PAK1: variants seen among roughly 807,000 people sequenced by gnomAD.
PAK1 encodes the protein p21 (RAC1) activated kinase 1.
PAK1 carries 29 observed loss-of-function variants against 67.4 expected under a neutral mutation model. The ratio of observed to expected loss-of-function variants is 0.43; its 90% CI spans 0.32 to 0.59. The LOEUF (loss-of-function observed/expected upper bound fraction) is 0.59, where lower values mean the gene tolerates loss of function less well. PAK1 is among the 20% of genes least tolerant of loss of function. The probability of loss-of-function intolerance (pLI) is 0.07; values close to 1 mark genes in which losing one functional copy is unlikely to be tolerated. For missense variants in PAK1, 337 were observed against 670.7 expected (o/e 0.50, Z 5.50); for synonymous variants, 223 against 237.4 (o/e 0.94, Z 0.56).
intron 1 of PAK1, among the ~76,000 whole-genome samples, chr11:77,469,894 T>C (rs1404785771): frequency 1.3e-5 from 2 of 152,122 alleles, no homozygotes; most frequent in Non-Finnish European, 2.9e-5. Flanking sequence ...TTCGTAATAA[T>C]CAAATCAGGA....
At chr11:77,462,218 C>T (rs1056638107) in intron 1 of PAK1, among the ~76,000 whole-genome samples, 84 of 151,996 alleles carry the variant, frequency 5.5e-4, no homozygotes, top group Non-Finnish European at 9.9e-4. Flanking sequence ...GTAGTCCCAG[C>T]TACTGGGGAG....
intron 6 of PAK1, 65 bp downstream of exon 6, chr11:77,358,833 C>T: frequency 6.4e-7 from 1 of 1,555,212 alleles, no homozygotes; most frequent in East Asian, 2.2e-5. Context: ...GTATCAGCAC[C>T]AACTCCTCCC....
chr11:77,349,126 A>C (rs1944867807), intron 9 of PAK1, 113 bp downstream of exon 9: 3 of 449,950 alleles, frequency 6.7e-6, no homozygotes, highest in Non-Finnish European at 1.1e-5. Context: ...CCCCATCCCA[A>C]AAAAAAAAAA....
intron 1 of PAK1, chr11:77,411,909 C>G (rs1431434124): frequency 1.3e-5 from 2 of 152,298 alleles, no homozygotes; most frequent in Admixed American, 6.5e-5. Flanking sequence ...GGGCTCCTGG[C>G]AGCTCAGCCG....
At chr11:77,470,334 C>G (rs573668671) in intron 1 of PAK1, among the ~76,000 whole-genome samples, 12 of 152,176 alleles carry the variant, frequency 7.9e-5, no homozygotes, top group African/African-American at 1.9e-4. Context: ...TTTCTCCCCC[C>G]CTTTATGATC....
chr11:77,360,474 T>TATTTTC (rs1696553267), intron 5 of PAK1, among the ~76,000 whole-genome samples: 1 of 152,194 alleles, frequency 6.6e-6, no homozygotes, highest in South Asian at 2.1e-4. Context: ...TGCTCTAATT[T>TATTTTC]ATTTTCTCCC....
chr11:77,336,731 G>T (rs1942753509), intron 12 of PAK1, among the ~76,000 whole-genome samples: 1 of 151,958 alleles, frequency 6.6e-6, no homozygotes, highest in South Asian at 2.1e-4. Flanking sequence ...CCAGACCCAG[G>T]GCTGCTAGCA....
chr11:77,468,973 C>A (rs1957724333), intron 1 of PAK1, among the ~76,000 whole-genome samples: 1 of 152,016 alleles, frequency 6.6e-6, no homozygotes, highest in South Asian at 2.1e-4. Flanking sequence ...AAAATAACAT[C>A]CAGGAAAGAT....
intron 11 of PAK1, among the ~76,000 whole-genome samples, chr11:77,338,241 A>C (rs2097945910): frequency 1.3e-5 from 2 of 152,206 alleles, no homozygotes; most frequent in Admixed American, 1.3e-4. Flanking sequence ...ATTGACCCAA[A>C]ACTAATTTTT....
intron 4 of PAK1, among the ~76,000 whole-genome samples, chr11:77,375,489 T>G (rs1948976819): frequency 6.6e-6 from 1 of 152,164 alleles, no homozygotes; most frequent in African/African-American, 2.4e-5. Context: ...TCAAGCTCCC[T>G]CAATGAAGCA....
At chr11:77,468,940 T>C (rs949107179) in intron 1 of PAK1, among the ~76,000 whole-genome samples, 1 of 152,156 alleles carries the variant, frequency 6.6e-6, no homozygotes, top group Non-Finnish European at 1.5e-5. Flanking sequence ...ACCTATCTCA[T>C]AGGGCTGTTA....
the PAK1 span, among the ~76,000 whole-genome samples, chr11:77,480,934 A>G: frequency 6.6e-6 from 1 of 152,222 alleles, no homozygotes. Context: ...CAGCTTCTAG[A>G]AAATTACCTG....
chr11:77,409,011 T>A (rs1416291308), intron 1 of PAK1, among the ~76,000 whole-genome samples: 3 of 151,972 alleles, frequency 2.0e-5, no homozygotes, highest in African/African-American at 4.8e-5. Context: ...ATGCCTGTAA[T>A]CCCAACACTT....
At chr11:77,355,518 A>G (rs1945899424) in intron 7 of PAK1, 150 bp downstream of exon 7, 6 of 649,530 alleles carry the variant, frequency 9.2e-6, no homozygotes, top group Non-Finnish European at 1.6e-5. Flanking sequence ...CAGGGAAGGG[A>G]GGTTCAGGGG....
chr11:77,487,297 G>T, the PAK1 span, among the ~76,000 whole-genome samples: 1 of 152,160 alleles, frequency 6.6e-6, no homozygotes, highest in Non-Finnish European at 1.5e-5. Flanking sequence ...TGAATAAACA[G>T]CAGGGATAGC....
the PAK1 span, among the ~76,000 whole-genome samples, chr11:77,518,891 G>A: frequency 1.3e-5 from 2 of 152,134 alleles, no homozygotes; most frequent in East Asian, 1.9e-4. Context: ...AATTAGAATC[G>A]TATTGTTTAA....
chr11:77,411,424 C>T (rs563731), intron 1 of PAK1, among the ~76,000 whole-genome samples: 32,192 of 151,424 alleles, frequency 0.21, 4,539 homozygotes, highest in Non-Finnish European at 0.31. Flanking sequence ...ACAGTCCCAG[C>T]AGGCCAGCGA....
chr11:77,362,925 T>TA (rs887303047), intron 5 of PAK1, among the ~76,000 whole-genome samples: 4 of 152,222 alleles, frequency 2.6e-5, no homozygotes, highest in Non-Finnish European at 4.4e-5. Context: ...ACCATTAGCC[T>TA]ACATTCTACA....
chr11:77,411,573 C>G (rs1348937876), intron 1 of PAK1, among the ~76,000 whole-genome samples: 3 of 152,108 alleles, frequency 2.0e-5, no homozygotes, highest in Admixed American at 6.5e-5. Flanking sequence ...AGCTCTGATT[C>G]CAGTGCAGGC....
Sources: gnomAD v4.1 joint callset for allele counts (sites outside exome capture counted in the v4.1 genomes callset) on GRCh38, gnomAD v4.1.1 for gene constraint, MANE v1.5 for transcripts, NCBI Gene and HGNC (gene_info 2026-07-23, HGNC 2026-07-21) for gene names.